The following DLG2 variants were observed in gnomAD, a reference collection of about 807,000 sequenced individuals.
DLG2 encodes disks large homolog 2.
A neutral mutation model predicts 132.5 loss-of-function variants in DLG2; 45 were observed. That is an observed-to-expected ratio of 0.34 (90% CI 0.27 to 0.44). The LOEUF (loss-of-function observed/expected upper bound fraction) is 0.44. Among genes scored for constraint, DLG2 ranks in the 20% least tolerant of loss-of-function variants. The pLI is 1.00. For missense variants in DLG2, 1,045 were observed against 1,196.9 expected (o/e 0.87, Z 1.87); for synonymous variants, 424 against 419.6 (o/e 1.01, Z -0.13).
At chr11:85,242,316 A>G (rs2075924608) in intron 4 of DLG2, among the ~76,000 whole-genome samples, 1 of 151,396 alleles carries the variant, frequency 6.6e-6, no homozygotes. Flanking sequence ...GGAACTTTTT[A>G]TAAACGTTTT....
chr11:83,917,409 A>G (rs910271060), intron 15 of DLG2, among the ~76,000 whole-genome samples: 1 of 152,190 alleles, frequency 6.6e-6, no homozygotes, highest in Admixed American at 6.5e-5. Flanking sequence ...AGGCATCCAC[A>G]TATGGTGAAA....
chr11:84,618,405 C>T (rs2099608251), intron 6 of DLG2, among the ~76,000 whole-genome samples: 1 of 152,078 alleles, frequency 6.6e-6, no homozygotes, highest in South Asian at 2.1e-4. Flanking sequence ...GGTTTTAATA[C>T]ATTCTAACCA....
chr11:85,062,475 G>A (rs569117475), intron 6 of DLG2, among the ~76,000 whole-genome samples: 1 of 151,030 alleles, frequency 6.6e-6, no homozygotes, highest in East Asian at 2.0e-4. Context: ...TTATTGAAAA[G>A]TCATTAAATG....
At chr11:85,413,775 C>A (rs892448036) in intron 3 of DLG2, among the ~76,000 whole-genome samples, 2 of 152,022 alleles carry the variant, frequency 1.3e-5, no homozygotes, top group South Asian at 2.1e-4. Context: ...ATTTTTATAC[C>A]AGTGCCATGC....
intron 6 of DLG2, chr11:84,923,224 T>C (rs2092842890): frequency 1.9e-6 from 3 of 1,571,886 alleles, no homozygotes; most frequent in Non-Finnish European, 2.6e-6. Context: ...CCGTTCCCTC[T>C]GTCAGTTTGA....
At chr11:85,500,051 C>G (rs1341147433) in intron 3 of DLG2, among the ~76,000 whole-genome samples, 2 of 152,150 alleles carry the variant, frequency 1.3e-5, no homozygotes, top group Non-Finnish European at 2.9e-5. Context: ...CAAGGATGCC[C>G]TCTCTCACCA....
At chr11:84,358,799 T>G (rs2098633146) in intron 7 of DLG2, among the ~76,000 whole-genome samples, 1 of 151,950 alleles carries the variant, frequency 6.6e-6, no homozygotes, top group Non-Finnish European at 1.5e-5. Flanking sequence ...AATAACTAAT[T>G]AAATCCAACA....
At chr11:83,689,523 A>C (rs1027827742) in intron 18 of DLG2, among the ~76,000 whole-genome samples, 4 of 152,158 alleles carry the variant, frequency 2.6e-5, no homozygotes, top group African/African-American at 7.2e-5. Flanking sequence ...GACCTTTGCA[A>C]GTTGCTTAAC....
chr11:83,605,022 A>AGAGAGAGG (rs1555236913), intron 19 of DLG2, among the ~76,000 whole-genome samples: 4 of 151,408 alleles, frequency 2.6e-5, no homozygotes, highest in African/African-American at 9.8e-5. Context: ...AGAGAGAGAG[A>AGAGAGAGG]GAGAGAGAGA....
intron 3 of DLG2, among the ~76,000 whole-genome samples, chr11:85,342,274 T>G (rs2152861170): frequency 6.6e-6 from 1 of 152,312 alleles, no homozygotes; most frequent in South Asian, 2.1e-4. Flanking sequence ...TTTTCTTTCT[T>G]TATATCCTTG....
chr11:84,315,546 C>G (rs2098344388), intron 7 of DLG2, among the ~76,000 whole-genome samples: 1 of 152,056 alleles, frequency 6.6e-6, no homozygotes, highest in Non-Finnish European at 1.5e-5. Flanking sequence ...ATACAGTGTT[C>G]ACAACTGTTA....
chr11:84,610,781 C>A (rs1462345481), intron 6 of DLG2, among the ~76,000 whole-genome samples: 1 of 152,068 alleles, frequency 6.6e-6, no homozygotes, highest in African/African-American at 2.4e-5. Flanking sequence ...GGGTGTAGCA[C>A]AGGCCATTCA....
chr11:84,752,324 A>G (rs1035937709), intron 6 of DLG2, among the ~76,000 whole-genome samples: 25 of 152,202 alleles, frequency 1.6e-4, no homozygotes, highest in Admixed American at 2.6e-4. Context: ...CAGAGCTTAC[A>G]TTCTAATGAA....
At chr11:85,120,498 G>A (rs190400803) in intron 5 of DLG2, among the ~76,000 whole-genome samples, 4 of 152,004 alleles carry the variant, frequency 2.6e-5, no homozygotes, top group Admixed American at 2.6e-4. Context: ...TTTCATTTAT[G>A]GTTTCTTTAG....
chr11:85,377,437 A>G (rs1261287583), intron 3 of DLG2, among the ~76,000 whole-genome samples: 1 of 152,168 alleles, frequency 6.6e-6, no homozygotes, highest in Admixed American at 6.6e-5. Context: ...CAAGCAGCAC[A>G]GTATGGTAAG....
At chr11:84,008,167 C>T (rs2094673295) in intron 11 of DLG2, among the ~76,000 whole-genome samples, 2 of 151,716 alleles carry the variant, frequency 1.3e-5, no homozygotes, top group Non-Finnish European at 3.0e-5. Flanking sequence ...TTTCATTTAT[C>T]CTCATAATTG....
chr11:85,219,307 C>G (rs1033514254), intron 4 of DLG2, among the ~76,000 whole-genome samples: 1 of 152,166 alleles, frequency 6.6e-6, no homozygotes, highest in African/African-American at 2.4e-5. Flanking sequence ...AGATTATATA[C>G]TCCACTTCTG....
At chr11:83,665,615 A>G (rs1388710864) in intron 18 of DLG2, among the ~76,000 whole-genome samples, 4 of 152,192 alleles carry the variant, frequency 2.6e-5, no homozygotes, top group African/African-American at 9.7e-5. Flanking sequence ...AAGACTATAG[A>G]GCTTACCATT....
chr11:84,653,169 A>T (rs998012110), intron 6 of DLG2, among the ~76,000 whole-genome samples: 1 of 152,124 alleles, frequency 6.6e-6, no homozygotes, highest in Admixed American at 6.5e-5. Flanking sequence ...ACCTCAAGTG[A>T]TCTTCCTGCC....
Sources: allele counts gnomAD v4.1 joint callset (sites outside exome capture counted in the v4.1 genomes callset), GRCh38; gene constraint gnomAD v4.1.1; transcripts MANE v1.5; gene names NCBI Gene and HGNC (gene_info 2026-07-23, HGNC 2026-07-21).